Variants in BDH1 observed in about 807,000 individuals in gnomAD.
BDH1 encodes D-beta-hydroxybutyrate dehydrogenase, mitochondrial.
BDH1 carries 30 observed loss-of-function variants against 33.1 expected under a neutral mutation model. That is an observed-to-expected ratio of 0.91 (90% CI 0.68 to 1.23). BDH1 has a LOEUF of 1.23. Among genes scored for constraint, BDH1 ranks in the 50% most tolerant of loss-of-function variants. The pLI is 0.00. For synonymous variants in BDH1, 190 were observed against 183.6 expected (o/e 1.03, Z -0.28); for missense variants, 443 against 464.4 (o/e 0.95, Z 0.42).
chr3:197,531,182 G>C (rs1202362989), intron 5 of BDH1, among the ~76,000 whole-genome samples: 2 of 152,020 alleles, frequency 1.3e-5, no homozygotes, highest in African/African-American at 4.8e-5. Context: ...GATCACCTGA[G>C]GACAGGAGTT....
intron 7 of BDH1, among the ~76,000 whole-genome samples, chr3:197,513,644 A>G (rs944025641): frequency 5.9e-5 from 9 of 152,344 alleles, no homozygotes; most frequent in African/African-American, 2.2e-4. Flanking sequence ...CTAAAATCCT[A>G]CAGCTGCAGT....
chr3:197,527,743 G>A (rs951962126), intron 5 of BDH1, among the ~76,000 whole-genome samples: 1 of 151,792 alleles, frequency 6.6e-6, no homozygotes, highest in Non-Finnish European at 1.5e-5. Flanking sequence ...CTGGATTTCT[G>A]TGACACTCCC....
intron 2 of BDH1, 75 bp from the exon 3 acceptor site, chr3:197,546,561 AGGTTG>A: frequency 1.0e-6 from 1 of 993,122 alleles, no homozygotes; most frequent in Non-Finnish European, 1.5e-6. Flanking sequence ...TGTTCCTTTC[AGGTTG>A]TGAAAGTCAA....
chr3:197,533,508 T>C lies in BDH1; in HGVS notation c.137A>G (p.Tyr46Cys). ...TSFIPIGRRT[Y>C]ASAAEPVGSK... ...ACTCACCGGCTCCGCCGCACTGGCATAAGTCCGACGGCCAATCGGGATAAA... is the reference window on the plus strand; with the variant it reads ...ACTCACCGGCTCCGCCGCACTGGCACAAGTCCGACGGCCAATCGGGATAAA... Residue 46 changes from tyrosine (Y) to cysteine (C), a missense_variant, in exon 4 of 8, where the codon TAT becomes TGT. By Grantham distance (194) the Tyr-to-Cys change is radical. Coordinates refer to ENST00000392379, the MANE Select transcript of BDH1 (RefSeq NM_203314.3). 1 of 1,614,222 alleles carries C rather than the reference T, an allele frequency of 6.2e-7. No individual in the cohort carries two copies. Among genetic ancestry groups the C allele is most frequent in the Non-Finnish European group, 8.5e-7 (1 of 1,180,038 alleles).
chr3:197,512,251 T>A lies in BDH1; in HGVS notation c.676A>T (p.Met226Leu), dbSNP rs747867608. The A allele has an allele frequency of 6.2e-7, 1 of 1,613,462 alleles. No individual in the cohort carries two copies. Among genetic ancestry groups the A allele is most frequent in the Non-Finnish European group, 8.5e-7 (1 of 1,180,028 alleles). ...EAFSDCLRYE[M>L]YPLGVKVSVV... ...CTGACCTTCACGCCCAGGGGGTACA[T>A]CTCATAGCGCAGGCAGTCCGAGAAA... Residue 226 changes from methionine to leucine, a missense_variant, in exon 8 of 8, where the codon ATG becomes TTG. Met to Leu is a conservative substitution (Grantham distance 15, BLOSUM62 2). Transcript: ENST00000392379.
chr3:197,538,394 C>T (rs1715329574), intron 3 of BDH1: 1 of 454,114 alleles, frequency 2.2e-6, no homozygotes, highest in Non-Finnish European at 4.4e-6. Context: ...TCTTGTTGCC[C>T]AGGCTGGAGT....
At chr3:197,569,452 G>C (rs1203513672) in intron 1 of BDH1, among the ~76,000 whole-genome samples, 1 of 152,134 alleles carries the variant, frequency 6.6e-6, no homozygotes, top group Non-Finnish European at 1.5e-5. Context: ...TGATTATATT[G>C]ATATGTTTTG....
chr3:197,546,861 C>A (rs542334319), intron 2 of BDH1, among the ~76,000 whole-genome samples: 36 of 152,340 alleles, frequency 2.4e-4, no homozygotes, highest in Non-Finnish European at 2.9e-4. Context: ...CTCGGTAAGT[C>A]CTATTCCTCT....
chr3:197,532,178 G>T (rs1714723004), intron 5 of BDH1, among the ~76,000 whole-genome samples: 1 of 152,138 alleles, frequency 6.6e-6, no homozygotes, highest in Non-Finnish European at 1.5e-5. Context: ...CAAAGTGTCA[G>T]GTACATCATA....
At position 197,523,489 on chromosome 3, in the gene BDH1, G is replaced by A. The variant is rs1189086246; in HGVS notation, c.268-708C>T. ...TGACCTGCTCAGATTAATGGAGTAA[G>A]GAAATGGATTTGTAAGAAGCCTGTT... On this transcript the variant is annotated intron_variant, in intron 5 of 7. Transcript: ENST00000392379. This position sits in a 1 kb window ranked among gnomAD's most constrained non-coding sequence, Gnocchi z 4.5. Among the ~76,000 whole-genome samples, 1 of 152,196 alleles carries A rather than the reference G, an allele frequency of 6.6e-6. No homozygotes were observed. The highest frequency in any genetic ancestry group is 1.5e-5 in the Non-Finnish European group (1 of 68,046).
chr3:197,564,919 TTTTTG>T (rs543095506), intron 1 of BDH1, among the ~76,000 whole-genome samples: 4 of 152,038 alleles, frequency 2.6e-5, no homozygotes, highest in South Asian at 2.1e-4. Context: ...TGTGTTTTGT[TTTTTG>T]TTTTGTTTTG....
rs542488682 is a variant in BDH1, at chr3:197,515,045, C to A, written c.410-629G>T. On this transcript the variant is annotated intron_variant, in intron 6 of 7. Transcript: ENST00000392379. ...GATAGCCCCGTGCTCCTTCCCAAGGCACAGCCTCAGAGCAGAGCTCCCATC... is the reference window on the plus strand; with the variant it reads ...GATAGCCCCGTGCTCCTTCCCAAGGAACAGCCTCAGAGCAGAGCTCCCATC... 2.0e-5 allele frequency among the ~76,000 whole-genome samples: 3 copies of A among 152,370 alleles called. No homozygotes were observed. The East Asian group carries it at 5.8e-4, about 29-fold the overall frequency.
intron 5 of BDH1, among the ~76,000 whole-genome samples, chr3:197,524,591 T>C (rs111858595): frequency 0.043 from 6,584 of 152,136 alleles, 509 homozygotes; most frequent in African/African-American, 0.15. Context: ...GCTTGTTCCA[T>C]GCAGCCACAG....
At chr3:197,561,496 A>T (rs1210578341) in intron 1 of BDH1, among the ~76,000 whole-genome samples, 4 of 151,920 alleles carry the variant, frequency 2.6e-5, no homozygotes, top group Non-Finnish European at 5.9e-5. Context: ...TAGGATGACA[A>T]AAAGCAGTCT....
Position 197,546,351 on chromosome 3 carries a change from G to A in BDH1, c.83+10C>T, listed in dbSNP as rs914112663. 1.3e-5 allele frequency: 21 copies of A among 1,613,768 alleles called. No individual in the cohort carries two copies. The Middle Eastern group carries it at 5.0e-4, about 38-fold the overall frequency. ...TCCCCTCAAGGCCACCACCACCTCTGGTTGCTTACCTTGCTCCATTTTCTC... is the reference window on the plus strand; with the variant it reads ...TCCCCTCAAGGCCACCACCACCTCTAGTTGCTTACCTTGCTCCATTTTCTC... On this transcript the variant is annotated intron_variant, in intron 3 of 7. Coordinates refer to ENST00000392379, the MANE Select transcript of BDH1 (RefSeq NM_203314.3).
intron 1 of BDH1, among the ~76,000 whole-genome samples, chr3:197,565,556 C>A (rs1560348512): frequency 6.6e-6 from 1 of 152,148 alleles, no homozygotes; most frequent in East Asian, 1.9e-4. Context: ...TTTCTTTGGG[C>A]TGTATTTATA....
chr3:197,518,592 A>G (rs372611009), intron 6 of BDH1, among the ~76,000 whole-genome samples: 57 of 6,600 alleles, frequency 8.6e-3, no homozygotes, highest in East Asian at 0.062. Context: ...GACCCCCCCA[A>G]TCAGTCACTT....
chr3:197,532,426 C>G lies in BDH1; in HGVS notation c.253G>C (p.Gly85Arg), dbSNP rs748062244. 2 of 1,614,014 alleles carry G rather than the reference C, an allele frequency of 1.2e-6. No homozygotes were observed. The highest frequency in any genetic ancestry group is 1.7e-6 in the Non-Finnish European group (2 of 1,179,874). Residue 85 changes from glycine to arginine, a missense_variant, in exon 5 of 8, where the codon GGC (glycine) becomes CGC (arginine). Coordinates refer to ENST00000392379, the MANE Select transcript of BDH1 (RefSeq NM_203314.3). ...TCGTCTCTTACCTTCATCAAGCAGC[C>G]AGCAAACACAAGGAAGCCTTTTGAA... is the stretch of plus-strand genomic sequence containing the variant. ...LHSKGFLVFA[G>R]CLMKDKGHDG...
At chr3:197,572,001 T>C (rs1458644646) in intron 1 of BDH1, among the ~76,000 whole-genome samples, 7 of 152,036 alleles carry the variant, frequency 4.6e-5, no homozygotes, top group Non-Finnish European at 1.0e-4. Context: ...GACTGAGTGG[T>C]TAGGTTAAAT....
Sources: gnomAD v4.1 joint callset for allele counts (sites outside exome capture counted in the v4.1 genomes callset) on GRCh38, gnomAD v4.1.1 for gene constraint, Gnocchi (gnomAD v3.1) non-coding constraint, MANE v1.5 for transcripts, NCBI Gene and HGNC (gene_info 2026-07-23, HGNC 2026-07-21) for gene names.